FCHSD2: variants seen among roughly 807,000 people sequenced by gnomAD.
FCHSD2 encodes the protein F-BAR and double SH3 domains protein 2.
FCHSD2 carries 38 observed loss-of-function variants against 108.1 expected under a neutral mutation model. That is an observed-to-expected ratio of 0.35 (90% confidence interval 0.27 to 0.46). The LOEUF (loss-of-function observed/expected upper bound fraction) is 0.46. Among genes scored for constraint, FCHSD2 ranks in the 20% least tolerant of loss-of-function variants. The probability of loss-of-function intolerance (pLI) is 1.00; values close to 1 mark genes in which losing one functional copy is unlikely to be tolerated. For synonymous variants in FCHSD2, 279 were observed against 314.7 expected, an observed-to-expected ratio of 0.89 and a Z score of 1.20; for missense variants, 751 against 897.8, an observed-to-expected ratio of 0.84 and a Z score of 2.09.
At chr11:72,853,501 G>A (rs1277473928) in intron 13 of FCHSD2, among the ~76,000 whole-genome samples, 1 of 151,922 alleles carries the variant, frequency 6.6e-6, no homozygotes, top group East Asian at 1.9e-4. Context: ...TGCAACCTCC[G>A]CCTGCCAGGT....
At chr11:72,940,372 G>A in intron 8 of FCHSD2, 1 of 460,418 alleles carries the variant, frequency 2.2e-6, no homozygotes, top group Non-Finnish European at 3.9e-6. Context: ...CTAAAATGCA[G>A]TTACCAAATA....
chr11:72,873,975 T>C (rs920851551), intron 12 of FCHSD2, among the ~76,000 whole-genome samples: 1 of 152,180 alleles, frequency 6.6e-6, no homozygotes, highest in African/African-American at 2.4e-5. Context: ...AATCAAATAT[T>C]TGCTTTGTTT....
chr11:73,136,247 C>T (rs183480670), intron 2 of FCHSD2, among the ~76,000 whole-genome samples: 1 of 151,626 alleles, frequency 6.6e-6, no homozygotes, highest in African/African-American at 2.4e-5. Flanking sequence ...TATTTACAGT[C>T]TAATGTGCTG....
intron 3 of FCHSD2, among the ~76,000 whole-genome samples, chr11:73,059,154 C>T (rs1471891233): frequency 1.3e-5 from 2 of 152,104 alleles, no homozygotes; most frequent in Non-Finnish European, 2.9e-5. Context: ...GTAAGTCTAG[C>T]TCAAATACTG....
At chr11:73,128,626 T>C (rs1163772341) in intron 2 of FCHSD2, among the ~76,000 whole-genome samples, 2 of 152,186 alleles carry the variant, frequency 1.3e-5, no homozygotes, top group East Asian at 3.8e-4. Context: ...AAGGAGAAAT[T>C]GTCCTGCTCT....
rs552454745 is a variant in FCHSD2 at position 72,943,708 on chromosome 11, AG to A, written c.706-21759del. 1.5e-4 allele frequency among the ~76,000 whole-genome samples: 23 copies of A among 152,346 alleles called. No homozygotes were observed. The East Asian group carries it at 3.3e-3, about 22-fold the overall frequency. ...GGCTGTTTTGTTCACTGAGGCACTC[AG>A]AATGATACCTCACACTTAGTATTTA... On this transcript the variant is annotated intron_variant, in intron 8 of 19. Transcript: ENST00000409418.
chr11:73,124,894 A>G (rs1860818314), intron 2 of FCHSD2, among the ~76,000 whole-genome samples: 1 of 152,236 alleles, frequency 6.6e-6, no homozygotes, highest in African/African-American at 2.4e-5. Context: ...GAAACCAAAG[A>G]TAAAGAGAAA....
intron 10 of FCHSD2, among the ~76,000 whole-genome samples, chr11:72,902,126 C>T (rs1403914145): frequency 1.1e-4 from 17 of 152,210 alleles, no homozygotes; most frequent in Admixed American, 9.2e-4. Flanking sequence ...CCACCTGCCT[C>T]GGCCTCCCAA....
At chr11:73,080,296 C>CAAAAA (rs370633105) in intron 3 of FCHSD2, among the ~76,000 whole-genome samples, 15 of 52,158 alleles carry the variant, frequency 2.9e-4, no homozygotes, top group South Asian at 7.4e-4. Context: ...GACCCTGTCT[C>CAAAAA]AAAAAAAAAA....
chr11:72,844,464 C>T (rs948251405), intron 14 of FCHSD2, among the ~76,000 whole-genome samples: 1 of 152,192 alleles, frequency 6.6e-6, no homozygotes, highest in African/African-American at 2.4e-5. Flanking sequence ...GTACAAGCTG[C>T]TAACCATAAT....
intron 13 of FCHSD2, among the ~76,000 whole-genome samples, chr11:72,858,428 T>C (rs1317204851): frequency 1.3e-5 from 2 of 152,248 alleles, no homozygotes; most frequent in African/African-American, 2.4e-5. Context: ...CATGGAATAC[T>C]ATGCAGCCAT....
At chr11:73,069,108 T>C (rs1475795005) in intron 3 of FCHSD2, among the ~76,000 whole-genome samples, 1 of 150,334 alleles carries the variant, frequency 6.7e-6, no homozygotes, top group Admixed American at 6.6e-5. Context: ...GTCAGGAGTT[T>C]GAGACCAGTC....
chr11:72,937,437 A>C (rs1210597149), intron 8 of FCHSD2, among the ~76,000 whole-genome samples: 1 of 152,228 alleles, frequency 6.6e-6, no homozygotes, highest in Non-Finnish European at 1.5e-5. Context: ...TTAATTCAGT[A>C]AACAATATCT....
chr11:73,124,030 A>G (rs142464402), intron 2 of FCHSD2, among the ~76,000 whole-genome samples: 71 of 152,336 alleles, frequency 4.7e-4, no homozygotes, highest in African/African-American at 1.5e-3. Context: ...TCAATGATAG[A>G]CTGGATTAAG....
At chr11:72,978,674 T>C (rs1340637292) in intron 8 of FCHSD2, among the ~76,000 whole-genome samples, 2 of 152,200 alleles carry the variant, frequency 1.3e-5, no homozygotes, top group South Asian at 2.1e-4. Flanking sequence ...CGATATCTGA[T>C]GGTTTAAAAG....
At position 73,109,405 on chromosome 11, in the gene FCHSD2, A is replaced by G. The variant is rs201157171; in HGVS notation, c.120-25665T>C. Among the ~76,000 whole-genome samples the G allele has an allele frequency of 3.1e-3, 465 of 150,898 alleles. 1 individual carries two copies. The highest frequency in any genetic ancestry group is 0.011 in the African/African-American group (445 of 41,144). Reference sequence around the variant, plus strand: ...GTGTCCTCTTCAATTTCTTTCATCAATGTTTTATAGTTTTCATTGCAGAGA... The same window carrying G: ...GTGTCCTCTTCAATTTCTTTCATCAGTGTTTTATAGTTTTCATTGCAGAGA... On this transcript the variant is annotated intron_variant, in intron 2 of 19. Transcript: ENST00000409418.
At chr11:73,065,204 T>C (rs1273688356) in intron 3 of FCHSD2, among the ~76,000 whole-genome samples, 1 of 152,090 alleles carries the variant, frequency 6.6e-6, no homozygotes, top group Non-Finnish European at 1.5e-5. Flanking sequence ...TGGATCAACA[T>C]ATGCAAATCG....
chr11:73,083,503 T>C (rs1218427918), intron 3 of FCHSD2, among the ~76,000 whole-genome samples, 192 bp downstream of exon 3: 1 of 150,190 alleles, frequency 6.7e-6, no homozygotes, highest in Non-Finnish European at 1.5e-5. Context: ...GAGCCAAGAT[T>C]GCGCCACTGT....
intron 3 of FCHSD2, among the ~76,000 whole-genome samples, chr11:73,026,604 CTTAA>C (rs781122795): frequency 6.6e-5 from 10 of 152,010 alleles, no homozygotes; most frequent in Non-Finnish European, 1.3e-4. Flanking sequence ...TTCAAATAGA[CTTAA>C]TTGAGAACTA....
Sources: gnomAD v4.1 joint callset for allele counts (sites outside exome capture counted in the v4.1 genomes callset) on GRCh38, gnomAD v4.1.1 for gene constraint, MANE v1.5 for transcripts, NCBI Gene and HGNC (gene_info 2026-07-23, HGNC 2026-07-21) for gene names.